The following PROS1 variants were observed in gnomAD, a reference collection of about 807,000 sequenced individuals.
PROS1 encodes protein S.
A neutral mutation model predicts 75.9 loss-of-function variants in PROS1; 29 were observed. That is an observed-to-expected ratio of 0.38 (90% CI 0.28 to 0.52). The LOEUF (loss-of-function observed/expected upper bound fraction) is 0.52, where lower values mean the gene tolerates loss of function less well. Among genes scored for constraint, PROS1 ranks in the 20% least tolerant of loss-of-function variants. PROS1 has a pLI of 0.83. For missense variants in PROS1, 680 were observed against 810.3 expected, an observed-to-expected ratio of 0.84 and a Z score of 1.95; for synonymous variants, 245 against 280.6, an observed-to-expected ratio of 0.87 and a Z score of 1.27.
intron 3 of PROS1, among the ~76,000 whole-genome samples, chr3:93,920,584 T>C (rs1708932290): frequency 6.6e-6 from 1 of 152,156 alleles, no homozygotes; most frequent in African/African-American, 2.4e-5. Flanking sequence ...TTTCCAGTAT[T>C]ATATCTATTA....
chr3:93,879,356 TA>T, intron 12 of PROS1, 42 bp from the exon 13 acceptor site: 1 of 1,591,228 alleles, frequency 6.3e-7, no homozygotes. Context: ...AATGCACTCC[TA>T]AAGTGCATCA....
Position 93,879,275 on chromosome 3 carries a change from G to A in PROS1, c.1532C>T (p.Thr511Ile). 6.2e-6 allele frequency: 10 copies of A among 1,613,960 alleles called. No individual in the cohort carries two copies. Among genetic ancestry groups the A allele is most frequent in the Non-Finnish European group, 8.5e-6 (10 of 1,179,926 alleles). Residue 511 changes from threonine (T) to isoleucine (I), a missense_variant, in exon 13 of 15, where the codon ACC (threonine) becomes ATC (isoleucine). Physicochemically the swap from Thr to Ile is moderately conservative, Grantham distance 89 (BLOSUM62 -1). Coordinates refer to ENST00000394236, the MANE Select transcript of PROS1 (RefSeq NM_000313.4). ...GCCCGTGGATGGACGAATATTCAAG[G>A]TCACATTTACATGCCAACCCTCAGC... ...SSAEGWHVNV[T>I]LNIRPSTGTG...
At position 93,927,178 on chromosome 3, in the gene PROS1, A is replaced by G. The variant is rs115491294; in HGVS notation, c.234+72T>C. 0.011 allele frequency: 16,872 copies of G among 1,575,266 alleles called. 120 individuals carry two copies. Among genetic ancestry groups the G allele is most frequent in the Non-Finnish European group, 0.012 (14,024 of 1,147,270 alleles). On this transcript the variant is annotated intron_variant, in intron 2 of 14. Transcript: ENST00000394236. ...ACTTTAAGATGGAACAGAAGGAAGT[A>G]CAGGCTGGAAATGTTCAGTCTGTAG...
chr3:93,877,020 C>G lies in PROS1; in HGVS notation c.1816G>C (p.Val606Leu). The change falls in exon 14 of 15, where the codon GTC becomes CTC. Residue 606 changes from valine to leucine, a missense_variant. Coordinates refer to ENST00000394236, the MANE Select transcript of PROS1 (RefSeq NM_000313.4). Reference sequence around the variant, plus strand: ...TTTGCTTTCATTGCTTTGTCCAAGACGGCAAGTTGTCTTTGAAGGTCTTCA... The same window carrying G: ...TTTGCTTTCATTGCTTTGTCCAAGAGGGCAAGTTGTCTTTGAAGGTCTTCA... ...SHEDLQRQLA[V>L]LDKAMKAKVA... The G allele has an allele frequency of 6.2e-7, 1 of 1,613,928 alleles. No individual in the cohort carries two copies. The highest frequency in any genetic ancestry group is 1.1e-5 in the South Asian group (1 of 91,054).
intron 1 of PROS1, among the ~76,000 whole-genome samples, chr3:93,931,112 T>A (rs1423266237): frequency 6.6e-6 from 1 of 152,202 alleles, no homozygotes. Flanking sequence ...ATTATTTCAT[T>A]TGATTTTCAC....
intron 1 of PROS1, among the ~76,000 whole-genome samples, chr3:93,932,165 C>T (rs1406011520): frequency 6.6e-6 from 1 of 152,200 alleles, no homozygotes; most frequent in Non-Finnish European, 1.5e-5. Flanking sequence ...CCATTATTTA[C>T]CATAATAACC....
intron 1 of PROS1, among the ~76,000 whole-genome samples, chr3:93,931,351 C>A (rs1709102466): frequency 1.3e-5 from 2 of 152,038 alleles, no homozygotes; most frequent in Non-Finnish European, 2.9e-5. Flanking sequence ...ATGTGTTTAT[C>A]AATACAGTGA....
At chr3:93,896,424 A>C (rs2107154887) in intron 9 of PROS1, 152 bp downstream of exon 9, 1 of 711,086 alleles carries the variant, frequency 1.4e-6, no homozygotes, top group Non-Finnish European at 2.6e-6. Context: ...GGAGTAAATT[A>C]ACTTTAGGTT....
intron 1 of PROS1, among the ~76,000 whole-genome samples, chr3:93,967,706 C>T (rs1436649327): frequency 1.3e-5 from 2 of 152,038 alleles, no homozygotes; most frequent in African/African-American, 4.8e-5. Context: ...GGAAACATAG[C>T]AAGATCTCAT....
At chr3:93,948,243 T>C (rs1709436765) in intron 1 of PROS1, among the ~76,000 whole-genome samples, 1 of 151,530 alleles carries the variant, frequency 6.6e-6, no homozygotes, top group South Asian at 2.1e-4. Flanking sequence ...CTGTAGCTAA[T>C]ATCCTAAACA....
At chr3:93,901,101 T>C (rs1283159527) in intron 6 of PROS1, among the ~76,000 whole-genome samples, 172 bp from the exon 7 acceptor site, 1 of 152,236 alleles carries the variant, frequency 6.6e-6, no homozygotes, top group Non-Finnish European at 1.5e-5. Context: ...TCACTAAATA[T>C]GATTTCTTTC....
chr3:93,960,108 C>T (rs543612580), intron 1 of PROS1, among the ~76,000 whole-genome samples: 11 of 151,568 alleles, frequency 7.3e-5, no homozygotes, highest in South Asian at 6.2e-4. Flanking sequence ...GACATAGTGC[C>T]GAAGAAATAT....
At chr3:93,917,852 C>T (rs1385259885) in intron 3 of PROS1, among the ~76,000 whole-genome samples, 12 of 152,140 alleles carry the variant, frequency 7.9e-5, no homozygotes. Flanking sequence ...TGCAGCCCAC[C>T]ATGCCTGAGC....
intron 1 of PROS1, among the ~76,000 whole-genome samples, chr3:93,929,239 A>G (rs939039871): frequency 6.6e-6 from 1 of 152,218 alleles, no homozygotes; most frequent in Non-Finnish European, 1.5e-5. Flanking sequence ...GCACTTTGGG[A>G]GGCCAAGGCA....
At chr3:93,953,828 C>T (rs533081336) in intron 1 of PROS1, among the ~76,000 whole-genome samples, 1 of 152,202 alleles carries the variant, frequency 6.6e-6, no homozygotes, top group East Asian at 1.9e-4. Flanking sequence ...TTAGAAAACT[C>T]CCTCGTCTCA....
chr3:93,947,816 C>A (rs1387456519), intron 1 of PROS1, among the ~76,000 whole-genome samples: 1 of 152,114 alleles, frequency 6.6e-6, no homozygotes, highest in Admixed American at 6.5e-5. Context: ...ATCTGCCCGC[C>A]TCGGCCTCTC....
At chr3:93,939,148 C>T (rs566408958) in intron 1 of PROS1, among the ~76,000 whole-genome samples, 7 of 152,272 alleles carry the variant, frequency 4.6e-5, no homozygotes, top group African/African-American at 7.2e-5. Flanking sequence ...AATACAAACT[C>T]GACAATTGTT....
intron 1 of PROS1, among the ~76,000 whole-genome samples, chr3:93,960,763 T>A (rs1223510483): frequency 6.6e-6 from 1 of 151,962 alleles, no homozygotes; most frequent in African/African-American, 2.4e-5. Context: ...TTAACTAATA[T>A]AAAGGTATGA....
Position 93,900,103 on chromosome 3 carries a change from G to C in PROS1, c.727+701C>G, listed in dbSNP as rs1409315189. Among the ~76,000 whole-genome samples the C allele has an allele frequency of 2.0e-5, 3 of 152,080 alleles. No individual in the cohort carries two copies. The East Asian group carries it at 5.8e-4, about 29-fold the overall frequency. On this transcript the variant is annotated intron_variant, in intron 7 of 14. Coordinates refer to ENST00000394236, the MANE Select transcript of PROS1 (RefSeq NM_000313.4). ...AAAATTTTAAAAAATCGAAAGGAAG[G>C]TATGAGATAATCTGTATATCATAAT... is the stretch of plus-strand genomic sequence containing the variant.
Sources: gnomAD v4.1 joint callset for allele counts (sites outside exome capture counted in the v4.1 genomes callset) on GRCh38, gnomAD v4.1.1 for gene constraint, MANE v1.5 for transcripts, NCBI Gene and HGNC (gene_info 2026-07-23, HGNC 2026-07-21) for gene names.